The following NREP variants were observed in gnomAD, a reference collection of about 807,000 sequenced individuals.
NREP encodes the protein neuronal regeneration-related protein.
NREP carries 5 observed loss-of-function variants against 8.6 expected under a neutral mutation model. That is an observed-to-expected ratio of 0.58 (90% CI 0.30 to 1.22). The LOEUF is 1.22. Among genes scored for constraint, NREP ranks in the 50% most tolerant of loss-of-function variants. The pLI, the probability that NREP is intolerant of heterozygous loss-of-function variation, is 0.07. For missense variants in NREP, 86 were observed against 82.5 expected (o/e 1.04, Z -0.17); for synonymous variants, 27 against 28.0 (o/e 0.96, Z 0.11).
intron 2 of NREP, among the ~76,000 whole-genome samples, chr5:111,937,279 C>T (rs1304839589): frequency 1.3e-5 from 2 of 152,032 alleles, no homozygotes; most frequent in African/African-American, 4.8e-5. Context: ...GTCCAGGGGT[C>T]ATAACTGTCT....
intron 2 of NREP, among the ~76,000 whole-genome samples, chr5:111,821,532 C>A (rs900951055): frequency 2.6e-5 from 4 of 152,158 alleles, no homozygotes; most frequent in African/African-American, 9.6e-5. Context: ...AATCTGAATC[C>A]AAACACATCA....
chr5:111,771,613 A>C (rs928495663), intron 2 of NREP, among the ~76,000 whole-genome samples: 4 of 152,124 alleles, frequency 2.6e-5, no homozygotes, highest in African/African-American at 9.7e-5. Flanking sequence ...AAATACAAAA[A>C]TTAGCTGGGA....
chr5:111,895,969 G>A (rs1461920643), intron 2 of NREP, among the ~76,000 whole-genome samples: 3 of 152,156 alleles, frequency 2.0e-5, no homozygotes, highest in Non-Finnish European at 4.4e-5. Flanking sequence ...CATCCTGAAT[G>A]AACATCAACC....
chr5:111,794,663 G>A (rs1244404126), intron 2 of NREP, among the ~76,000 whole-genome samples: 2 of 152,198 alleles, frequency 1.3e-5, no homozygotes, highest in Non-Finnish European at 2.9e-5. Context: ...GTGGTTGCCA[G>A]GGGTTTGGTA....
At position 111,804,869 on chromosome 5, in the gene NREP, C is replaced by T. The variant is rs371918545; in HGVS notation, c.136-69362G>A. ...ACAAAAAATTAGACGGGTTTGGTGG[C>T]GGGCGCCTGCAGGCCCAGCTACTGG... On this transcript the variant is annotated intron_variant, in intron 2 of 3. Transcript: ENST00000395634. 5.7e-3 allele frequency among the ~76,000 whole-genome samples: 870 copies of T among 152,134 alleles called. 6 individuals carry two copies. Among genetic ancestry groups the T allele is most frequent in the African/African-American group, 0.018 (743 of 41,534 alleles).
chr5:111,755,352 T>C (rs1039439498), intron 2 of NREP: 3 of 187,904 alleles, frequency 1.6e-5, no homozygotes, highest in Non-Finnish European at 3.4e-5. Context: ...GCATATACAG[T>C]AGCTGTTTGA....
At chr5:111,873,000 A>G (rs7702003) in intron 2 of NREP, among the ~76,000 whole-genome samples, 7,352 of 152,226 alleles carry the variant, frequency 0.048, 618 homozygotes, top group African/African-American at 0.17. Flanking sequence ...TCCCATTGTT[A>G]TGTAGGTCGC....
chr5:111,750,652 T>G (rs1640423349), intron 2 of NREP, among the ~76,000 whole-genome samples: 1 of 152,232 alleles, frequency 6.6e-6, no homozygotes, highest in Non-Finnish European at 1.5e-5. Flanking sequence ...TATATTGTTT[T>G]ACATTGTTAA....
intron 2 of NREP, among the ~76,000 whole-genome samples, chr5:111,801,715 T>C (rs2112904651): frequency 6.6e-6 from 1 of 152,366 alleles, no homozygotes; most frequent in East Asian, 1.9e-4. Flanking sequence ...AATATGCTTA[T>C]ATGTACATTG....
At chr5:111,874,074 G>A (rs139210819) in intron 2 of NREP, among the ~76,000 whole-genome samples, 48 of 152,200 alleles carry the variant, frequency 3.2e-4, no homozygotes, top group Non-Finnish European at 3.5e-4. Context: ...TTGTTGATAG[G>A]GAGATTGGAC....
At chr5:111,863,672 A>T (rs982048019) in intron 2 of NREP, among the ~76,000 whole-genome samples, 8 of 152,170 alleles carry the variant, frequency 5.3e-5, no homozygotes, top group Non-Finnish European at 1.0e-4. Context: ...GAATCAAGGT[A>T]AAGTAAGTAC....
chr5:111,946,138 T>A (rs891714412), intron 2 of NREP, among the ~76,000 whole-genome samples: 2 of 151,480 alleles, frequency 1.3e-5, no homozygotes, highest in Admixed American at 6.6e-5. Flanking sequence ...GTGAGCAGGA[T>A]AATCTAATAA....
At chr5:111,893,185 T>C (rs1754433774) in intron 2 of NREP, among the ~76,000 whole-genome samples, 2 of 152,098 alleles carry the variant, frequency 1.3e-5, no homozygotes, top group African/African-American at 4.8e-5. Flanking sequence ...CAGCTGCAAA[T>C]AATTTCTGTC....
rs149933566 is a variant in NREP, at chr5:111,821,423, T to C, written c.136-85916A>G. 2.0e-3 allele frequency among the ~76,000 whole-genome samples: 302 copies of C among 152,234 alleles called. 3 individuals carry two copies. The highest frequency in any genetic ancestry group is 6.8e-3 in the African/African-American group (282 of 41,536). On this transcript the variant is annotated intron_variant, in intron 2 of 3. Coordinates refer to the NREP transcript ENST00000395634. The stretch of plus-strand genomic sequence containing the variant: ...TGCTTTCAAATCAAGCATGTGTACA[T>C]GAAAAACAAAACTTTTCAAATGTGG...
intron 2 of NREP, among the ~76,000 whole-genome samples, chr5:111,920,973 T>G (rs574152124): frequency 6.6e-6 from 1 of 152,268 alleles, no homozygotes; most frequent in South Asian, 2.1e-4. Context: ...GTTAGATGTG[T>G]TAGAGCTTTC....
At chr5:111,774,247 GGGAGGGAAGGAGGGAGAGAA>G in intron 2 of NREP, among the ~76,000 whole-genome samples, 1 of 118,508 alleles carries the variant, frequency 8.4e-6, no homozygotes, top group African/African-American at 3.7e-5. Flanking sequence ...GAAGAAGGGA[GGGAGGGAAGGAGGGAGAGAA>G]GGAGGGAGAG....
intron 2 of NREP, among the ~76,000 whole-genome samples, chr5:111,966,393 T>C (rs527718731): frequency 2.6e-5 from 4 of 152,364 alleles, no homozygotes; most frequent in African/African-American, 9.6e-5. Context: ...ATGCTTTGTT[T>C]TTAAAATTAG....
chr5:111,959,482 G>A (rs1209584248), intron 2 of NREP, among the ~76,000 whole-genome samples: 1 of 151,998 alleles, frequency 6.6e-6, no homozygotes, highest in African/African-American at 2.4e-5. Context: ...GATAAACACA[G>A]ATAGTCTAAA....
intron 2 of NREP, among the ~76,000 whole-genome samples, chr5:111,955,985 A>G (rs1756305055): frequency 6.6e-6 from 1 of 151,928 alleles, no homozygotes; most frequent in Non-Finnish European, 1.5e-5. Context: ...CTGATTGGAT[A>G]TAGTTTCCCA....
Sources: allele counts gnomAD v4.1 joint callset (sites outside exome capture counted in the v4.1 genomes callset), GRCh38; gene constraint gnomAD v4.1.1; transcripts MANE v1.5; gene names NCBI Gene and HGNC (gene_info 2026-07-23, HGNC 2026-07-21).